Variants in MIDEAS observed in about 807,000 individuals in gnomAD.
MIDEAS encodes the protein mitotic deacetylase-associated SANT domain protein.
MIDEAS carries 26 observed loss-of-function variants against 102.7 expected under a neutral mutation model. The ratio of observed to expected loss-of-function variants is 0.25; its 90% CI spans 0.19 to 0.35. MIDEAS has a LOEUF of 0.35. MIDEAS is among the 10% of genes least tolerant of loss of function. The pLI, the probability that MIDEAS is intolerant of heterozygous loss-of-function variation, is 1.00. For synonymous variants in MIDEAS, 585 were observed against 591.0 expected, an observed-to-expected ratio of 0.99 and a Z score of 0.15; for missense variants, 1,231 against 1,435.6, an observed-to-expected ratio of 0.86 and a Z score of 2.30.
At chr14:73,770,078 T>C (rs2053629215) in intron 1 of MIDEAS, among the ~76,000 whole-genome samples, 1 of 152,014 alleles carries the variant, frequency 6.6e-6, no homozygotes, top group Non-Finnish European at 1.5e-5. Flanking sequence ...CCACAGCACC[T>C]GTATATAGAG....
intron 1 of MIDEAS, among the ~76,000 whole-genome samples, chr14:73,744,893 AC>A (rs1337469857): frequency 6.6e-6 from 1 of 152,138 alleles, no homozygotes; most frequent in Non-Finnish European, 1.5e-5. Flanking sequence ...GAGCTGAACT[AC>A]AAGCCCCTAT....
chr14:73,726,421 C>G (rs2053061616), intron 7 of MIDEAS, among the ~76,000 whole-genome samples, 183 bp downstream of exon 7: 1 of 152,238 alleles, frequency 6.6e-6, no homozygotes, highest in Non-Finnish European at 1.5e-5. Flanking sequence ...GGACACTGCA[C>G]AGCAAAACCC....
intron 1 of MIDEAS, among the ~76,000 whole-genome samples, chr14:73,768,483 GTTTTA>G (rs1307167546): frequency 9.0e-5 from 13 of 144,886 alleles, no homozygotes; most frequent in African/African-American, 2.5e-4. Flanking sequence ...CACATATTAT[GTTTTA>G]TTTTAACTGA....
chr14:73,783,703 C>T (rs1050402799), intron 1 of MIDEAS, among the ~76,000 whole-genome samples: 5 of 152,054 alleles, frequency 3.3e-5, no homozygotes, highest in South Asian at 4.1e-4. Context: ...GTCATGCAGA[C>T]GAGAAAGAAG....
intron 3 of MIDEAS, chr14:73,730,278 T>A (rs4899477): frequency 9.4e-6 from 5 of 530,192 alleles, no homozygotes; most frequent in African/African-American, 7.7e-5. Flanking sequence ...TAAAACTAAC[T>A]GTATAAAATT....
intron 12 of MIDEAS, 57 bp downstream of exon 12, chr14:73,719,248 C>A (rs1250777971): frequency 6.5e-7 from 1 of 1,549,426 alleles, no homozygotes; most frequent in Non-Finnish European, 8.7e-7. Flanking sequence ...CCCACCCCCG[C>A]CCCCTCCGCG....
At position 73,769,911 on chromosome 14, in the gene MIDEAS, T is replaced by G. The variant is rs2053627131; in HGVS notation, c.-248+17191A>C. 2.9e-5 allele frequency among the ~76,000 whole-genome samples: 4 copies of G among 137,406 alleles called. No individual in the cohort carries two copies. The South Asian group carries it at 8.0e-4, about 27-fold the overall frequency. The allele number at this position is 137,406 out of a possible 152,430, so 90.1% of individuals were successfully genotyped here. On this transcript the variant is annotated intron_variant, in intron 1 of 11. Transcript: ENST00000394071. ...CACCGTGCCCGGCTGGGTTTTTTTT[T>G]TTGTTTTTTTTTTTTAATTTTTGCG...
rs1472505003 is a variant in MIDEAS, at chr14:73,760,249, C to A, written c.-734G>T. 1.3e-5 allele frequency: 2 copies of A among 152,382 alleles called. No individual in the cohort carries two copies. Among genetic ancestry groups the A allele is most frequent in the Non-Finnish European group, 2.9e-5 (2 of 68,166 alleles). 9.4% of individuals were successfully genotyped at this position (152,382 alleles called of 1,614,324 possible). A position where few individuals can be genotyped will look rare whatever the true frequency, so the allele number is the denominator to read the frequency against. ...GGAGCGCGGAGCGCCCAGCGGCCGG[C>A]CGGCGCGCGCGGCACCGCGGCGAGC... On this transcript the variant is annotated 5_prime_UTR_variant, in exon 1 of 13. Transcript: ENST00000423556. The surrounding 1 kb of genome is among the most constrained non-coding windows in gnomAD (Gnocchi z 4.8).
At chr14:73,784,549 C>A (rs1245097870) in intron 1 of MIDEAS, among the ~76,000 whole-genome samples, 2 of 152,174 alleles carry the variant, frequency 1.3e-5, no homozygotes, top group Non-Finnish European at 2.9e-5. Flanking sequence ...GTAAATTCTA[C>A]ACGAACACAA....
rs535440917 is a variant in MIDEAS, at chr14:73,735,902, A to G, written c.1749+1096T>C. Among the ~76,000 whole-genome samples the G allele has an allele frequency of 2.6e-5, 4 of 152,314 alleles. No homozygotes were observed. In the South Asian group the frequency reaches 8.3e-4, roughly 32 times the overall value. ...CCGGGTGCGGTGGCCCACCTCTGCA[A>G]TCCTAACACTTTGGGAGGCCAAGGC... On this transcript the variant is annotated intron_variant, in intron 3 of 12. Transcript: ENST00000423556.
rs114313943 is a variant in MIDEAS, at chr14:73,783,099, T to C, written c.-248+4003A>G. On this transcript the variant is annotated intron_variant, in intron 1 of 11. Transcript: ENST00000394071. ...CAGGGCTTCCAGTTTAGTTGAAGAA[T>C]TGTAGTATTTATTCACCCAAAGGCT... 8.1e-3 allele frequency among the ~76,000 whole-genome samples: 1,229 copies of C among 152,294 alleles called. 11 individuals are homozygous for C. The highest frequency in any genetic ancestry group is 0.028 in the African/African-American group (1,166 of 41,562).
At chr14:73,719,068 G>A (rs1011334022) in intron 12 of MIDEAS, 60 bp from the exon 13 acceptor site, 2 of 1,446,696 alleles carry the variant, frequency 1.4e-6, no homozygotes, top group Non-Finnish European at 1.8e-6. Context: ...CCCCAGCGCG[G>A]GTGCGCGAGG....
chr14:73,773,139 C>G (rs2053657303), intron 1 of MIDEAS, among the ~76,000 whole-genome samples: 1 of 148,960 alleles, frequency 6.7e-6, no homozygotes, highest in South Asian at 2.2e-4. Context: ...CGCCTGGCTT[C>G]TCATACATTT....
chr14:73,780,286 C>G (rs938082927), intron 1 of MIDEAS, among the ~76,000 whole-genome samples: 1 of 152,220 alleles, frequency 6.6e-6, no homozygotes, highest in African/African-American at 2.4e-5. Context: ...AGTTCTTCCC[C>G]CATCCCACCC....
upstream of MIDEAS, among the ~76,000 whole-genome samples, chr14:73,763,140 C>T (rs1312586355): frequency 6.6e-6 from 1 of 152,058 alleles, no homozygotes. Flanking sequence ...GTTTAGAGAC[C>T]AGCCTAGGCA....
upstream of MIDEAS, among the ~76,000 whole-genome samples, chr14:73,760,674 T>C (rs1296252224): frequency 6.6e-6 from 1 of 152,156 alleles, no homozygotes. This position sits in a 1 kb window ranked among gnomAD's most constrained non-coding sequence, Gnocchi z 4.8. Context: ...TGCACAATCC[T>C]CTCCATGGCA....
chr14:73,776,379 A>AT (rs1483338845), intron 1 of MIDEAS, among the ~76,000 whole-genome samples: 1 of 151,906 alleles, frequency 6.6e-6, no homozygotes, highest in Non-Finnish European at 1.5e-5. Context: ...GTCCAAACAG[A>AT]TTAAGCTCAA....
In MIDEAS at chr14:73,739,908, G is replaced by T. The variant is rs146234347; in HGVS notation, c.101C>A (p.Pro34His). 520 of 1,548,310 alleles carry T rather than the reference G, an allele frequency of 3.4e-4. 4 individuals carry two copies. The South Asian group carries it at 3.6e-3, about 11-fold the overall frequency. The change falls in exon 2 of 13, where the codon CCC becomes CAC. Residue 34 changes from proline (P) to histidine (H), a missense_variant. Transcript: ENST00000423556. Reference protein sequence around the residue: ...APKEQPPPLQPPQQSIRVKEE... With the variant: ...APKEQPPPLQHPQQSIRVKEE... ...CTTCACTCTGATGGACTGCTGGGGG[G>T]GCTGCAGGGGAGGGGGCTGCTCCTT...
At chr14:73,748,882 TTATAGACA>T (rs2053386659) in intron 1 of MIDEAS, among the ~76,000 whole-genome samples, 1 of 152,142 alleles carries the variant, frequency 6.6e-6, no homozygotes, top group Non-Finnish European at 1.5e-5. Context: ...GCTATACCAG[TTATAGACA>T]TGCATGTACC....
Sources: allele counts gnomAD v4.1 joint callset (sites outside exome capture counted in the v4.1 genomes callset), GRCh38; gene constraint gnomAD v4.1.1; non-coding constraint Gnocchi (gnomAD v3.1); transcripts MANE v1.5; gene names NCBI Gene and HGNC (gene_info 2026-07-23, HGNC 2026-07-21).